Variants in ERICH3 observed in about 807,000 individuals in gnomAD.
ERICH3 encodes glutamate-rich protein 3.
Under a neutral mutation model 131.1 loss-of-function variants are expected in ERICH3, and 126 were observed. The observed-to-expected ratio is 0.96, with a 90% CI of 0.83 to 1.11. The LOEUF (loss-of-function observed/expected upper bound fraction) is 1.11, where lower values mean the gene tolerates loss of function less well. Ranked by LOEUF, ERICH3 falls within the 50% of genes most tolerant of loss-of-function variation. The probability of loss-of-function intolerance (pLI) is 0.00; values close to 1 mark genes in which losing one functional copy is unlikely to be tolerated. For synonymous variants in ERICH3, 695 were observed against 644.6 expected (o/e 1.08, Z -1.18); for missense variants, 2,050 against 1,810.7 (o/e 1.13, Z -2.40).
chr1:74,631,983 G>A (rs1646342799), intron 6 of ERICH3, 55 bp from the exon 7 acceptor site: 1 of 1,487,706 alleles, frequency 6.7e-7, no homozygotes, highest in Admixed American at 1.8e-5. Flanking sequence ...GTGACTCAAT[G>A]TAACCCAAAT....
rs1167838406 is a variant in ERICH3 at position 74,572,672 on chromosome 1, G to T, written c.3038C>A (p.Pro1013His). 58 of 1,613,802 alleles carry T rather than the reference G, an allele frequency of 3.6e-5. No homozygotes were observed. Among genetic ancestry groups the T allele is most frequent in the Non-Finnish European group, 4.8e-5 (57 of 1,179,950 alleles). ...TTCCTTTGCAAGGCTTCCTTCCTCA[G>T]GGCTGCCCTCCGAAACCTGCATCCG... The part of the protein sequence containing the change: ...ASRMQVSEGS[P>H]EEGSLAKEAF... The change falls in exon 14 of 15, where the codon CCT becomes CAT. Residue 1013 changes from proline (P) to histidine (H), a missense_variant. Pro to His is a moderately conservative substitution (Grantham distance 77). Transcript: ENST00000326665.
rs758165296 is a variant in ERICH3 at position 74,606,899 on chromosome 1, G to A, written c.1191C>T (p.Cys397=). The A allele has an allele frequency of 8.5e-5, 137 of 1,608,488 alleles. 1 individual carries two copies. Among genetic ancestry groups the A allele is most frequent in the Middle Eastern group, 3.3e-4 (2 of 6,010 alleles). The change falls in exon 10 of 15, where the codon TGC becomes TGT. Residue 397 remains cysteine, a synonymous_variant. Coordinates refer to ENST00000326665, the MANE Select transcript of ERICH3 (RefSeq NM_001002912.5). The part of the protein sequence containing the change: ...CVERSSPCYK[C]IIAMGLDKKP... ...TTTTGTCAAGGCCCATTGCAATAAT[G>A]CACCTATGAAAAATATTAGCAGGAA... is the stretch of plus-strand genomic sequence containing the variant.
In ERICH3 at chr1:74,591,070, A is replaced by G. The variant is rs1647575949; in HGVS notation, c.1727-990T>C. Among the ~76,000 whole-genome samples, 5 of 152,158 alleles carry G rather than the reference A, an allele frequency of 3.3e-5. No homozygotes were observed. In the South Asian group the frequency reaches 1.0e-3, roughly 31 times the overall value. On this transcript the variant is annotated intron_variant, in intron 11 of 14. Transcript: ENST00000326665. ...ATCCACCATCCTAGTATATCTTGGT[A>G]TATGGACACAGTAAGATCTGTGTAT...
chr1:74,626,870 A>G (rs1323383382), intron 7 of ERICH3, among the ~76,000 whole-genome samples: 3 of 152,178 alleles, frequency 2.0e-5, no homozygotes, highest in Non-Finnish European at 4.4e-5. Flanking sequence ...CAGAGACATG[A>G]ATCACAGAAG....
intron 11 of ERICH3, among the ~76,000 whole-genome samples, 177 bp from the exon 12 acceptor site, chr1:74,590,257 G>A (rs1647528225): frequency 6.6e-6 from 1 of 152,130 alleles, no homozygotes; most frequent in South Asian, 2.1e-4. Flanking sequence ...ATACCAGGGA[G>A]TGGTTTCATG....
chr1:74,587,606 G>A (rs1647395345), intron 12 of ERICH3, among the ~76,000 whole-genome samples: 1 of 152,028 alleles, frequency 6.6e-6, no homozygotes, highest in Non-Finnish European at 1.5e-5. Flanking sequence ...CCCTCATTAT[G>A]TATATCCTAC....
Position 74,599,717 on chromosome 1 carries a change from A to T in ERICH3, c.1704T>A (p.Ser568Arg). 6.2e-7 allele frequency: 1 copy of T among 1,609,842 alleles called. No homozygotes were observed. The highest frequency in any genetic ancestry group is 1.1e-5 in the South Asian group (1 of 90,410). ...VKDENDGCSE[S>R]ELEEDKQDMK... ...CGCCTTGTTTATCCTCTTCCAGTTCACTCTCAGAGCATCCATCATTCTCAT... is the reference window on the plus strand; with the variant it reads ...CGCCTTGTTTATCCTCTTCCAGTTCTCTCTCAGAGCATCCATCATTCTCAT... Residue 568 changes from serine (S) to arginine (R), a missense_variant, in exon 11 of 15, where the codon AGT becomes AGA. By Grantham distance (110) the Ser-to-Arg change is moderately radical. Coordinates refer to ENST00000326665, the MANE Select transcript of ERICH3 (RefSeq NM_001002912.5).
At chr1:74,579,469 T>G (rs752678011) in intron 12 of ERICH3, 74 of 985,278 alleles carry the variant, frequency 7.5e-5, no homozygotes, top group Non-Finnish European at 8.9e-5. Flanking sequence ...TGCCCACGTC[T>G]GCTGGCTTGC....
At chr1:74,655,162 C>A (rs1304196687) in intron 1 of ERICH3, among the ~76,000 whole-genome samples, 2 of 152,130 alleles carry the variant, frequency 1.3e-5, no homozygotes, top group African/African-American at 4.8e-5. Context: ...CAAAAGCATA[C>A]TTGTTTGAAG....
At chr1:74,651,117 A>G (rs758988766) in intron 1 of ERICH3, among the ~76,000 whole-genome samples, 1 of 152,150 alleles carries the variant, frequency 6.6e-6, no homozygotes, top group Non-Finnish European at 1.5e-5. Flanking sequence ...GCAGGGACTC[A>G]TATTATAGAG....
At chr1:74,576,658 T>C (rs1386098561) in intron 13 of ERICH3, among the ~76,000 whole-genome samples, 1 of 152,158 alleles carries the variant, frequency 6.6e-6, no homozygotes, top group Non-Finnish European at 1.5e-5. Context: ...TGCCTCACAG[T>C]GCTTGATGAC....
At chr1:74,674,327 A>C (rs529092976), upstream of ERICH3, among the ~76,000 whole-genome samples, 3 of 152,336 alleles carry the variant, frequency 2.0e-5, no homozygotes, top group African/African-American at 7.2e-5. Flanking sequence ...AATCCAGTAC[A>C]TGGAATGCAG....
intron 12 of ERICH3, among the ~76,000 whole-genome samples, chr1:74,589,176 A>T (rs1258526456): frequency 6.6e-6 from 1 of 152,120 alleles, no homozygotes; most frequent in African/African-American, 2.4e-5. Context: ...TTTTGTGAGG[A>T]CGTGATGAGT....
rs917327948 is a variant in ERICH3 at position 74,625,372 on chromosome 1, C to T, written c.820-4458G>A. ...ACCATTATGTAGAATCTAATAAAACCGAGATGAATTTTGCTTATTCCTTTT... is the reference window on the plus strand; with the variant it reads ...ACCATTATGTAGAATCTAATAAAACTGAGATGAATTTTGCTTATTCCTTTT... On this transcript the variant is annotated intron_variant, in intron 7 of 14. Coordinates refer to ENST00000326665, the MANE Select transcript of ERICH3 (RefSeq NM_001002912.5). 9.2e-5 allele frequency: 14 copies of T among 151,868 alleles called. No homozygotes were observed. In the East Asian group the frequency reaches 1.2e-3, roughly 13 times the overall value. The allele number at this position is 151,868 out of a possible 1,614,324, so 9.4% of individuals were successfully genotyped here.
chr1:74,597,641 A>C (rs1647917435), intron 11 of ERICH3, among the ~76,000 whole-genome samples: 1 of 151,988 alleles, frequency 6.6e-6, no homozygotes, highest in South Asian at 2.1e-4. Context: ...CACTAACCGA[A>C]ACATCTTCGT....
chr1:74,611,835 C>T (rs1648711999), intron 9 of ERICH3, among the ~76,000 whole-genome samples: 1 of 152,128 alleles, frequency 6.6e-6, no homozygotes, highest in African/African-American at 2.4e-5. Context: ...CTCTTGTCTC[C>T]CTTCACTCCA....
intron 1 of ERICH3, among the ~76,000 whole-genome samples, chr1:74,662,147 C>T (rs1445373308): frequency 6.6e-6 from 1 of 152,132 alleles, no homozygotes; most frequent in East Asian, 1.9e-4. Context: ...TTGCTCCATG[C>T]TCTTGCATGT....
intron 10 of ERICH3, among the ~76,000 whole-genome samples, chr1:74,600,357 T>C (rs913323038): frequency 6.6e-6 from 1 of 151,884 alleles, no homozygotes; most frequent in Non-Finnish European, 1.5e-5. Flanking sequence ...TATTTGGATA[T>C]CAACTTAATG....
intron 5 of ERICH3, 144 bp downstream of exon 5, chr1:74,641,187 T>C: frequency 1.1e-6 from 1 of 923,614 alleles, no homozygotes; most frequent in South Asian, 1.8e-5. Flanking sequence ...GAGACAGAGT[T>C]GAACAGATAT....
Sources: gnomAD v4.1 joint callset for allele counts (sites outside exome capture counted in the v4.1 genomes callset) on GRCh38, gnomAD v4.1.1 for gene constraint, MANE v1.5 for transcripts, NCBI Gene and HGNC (gene_info 2026-07-23, HGNC 2026-07-21) for gene names.